ADAMTS16: variants seen among roughly 807,000 people sequenced by gnomAD.
ADAMTS16 encodes ADAM metallopeptidase with thrombospondin type 1 motif 16.
In ADAMTS16, 94 loss-of-function variants were observed where a neutral mutation model predicts 145.8. The observed-to-expected ratio is 0.64, with a 90% CI of 0.55 to 0.77. ADAMTS16 has a LOEUF of 0.77. ADAMTS16 is among the 30% of genes least tolerant of loss of function. The pLI is 0.00. For synonymous variants in ADAMTS16, 659 were observed against 604.3 expected, an observed-to-expected ratio of 1.09 and a Z score of -1.33; for missense variants, 1,585 against 1,591.5, an observed-to-expected ratio of 1.00 and a Z score of 0.07.
At chr5:5,214,388 G>A (rs528916496) in intron 10 of ADAMTS16, among the ~76,000 whole-genome samples, 44 of 152,046 alleles carry the variant, frequency 2.9e-4, no homozygotes, top group Non-Finnish European at 5.9e-4. Flanking sequence ...CAAACTTTAT[G>A]TATTTTCTTT....
chr5:5,272,709 G>T (rs1015001315), intron 18 of ADAMTS16, among the ~76,000 whole-genome samples: 1 of 152,256 alleles, frequency 6.6e-6, no homozygotes, highest in African/African-American at 2.4e-5. Context: ...GTTTTGCACT[G>T]GGGCCCACGA....
chr5:5,158,205 C>A (rs903142141), intron 3 of ADAMTS16, among the ~76,000 whole-genome samples: 1 of 152,168 alleles, frequency 6.6e-6, no homozygotes, highest in Non-Finnish European at 1.5e-5. Flanking sequence ...TTAGCATTTA[C>A]CCCTCCCTCT....
At chr5:5,250,876 G>A (rs1355379321) in intron 17 of ADAMTS16, among the ~76,000 whole-genome samples, 1 of 152,148 alleles carries the variant, frequency 6.6e-6, no homozygotes, top group Non-Finnish European at 1.5e-5. Context: ...CTGCCTGGTA[G>A]TCCCTGACTC....
chr5:5,275,396 A>G (rs1579368946), intron 18 of ADAMTS16, among the ~76,000 whole-genome samples: 2 of 152,206 alleles, frequency 1.3e-5, no homozygotes, highest in South Asian at 4.1e-4. Context: ...TCCCGTGAGA[A>G]TCAAGGAATG....
intron 3 of ADAMTS16, among the ~76,000 whole-genome samples, chr5:5,147,387 C>T (rs1343170320): frequency 6.6e-6 from 1 of 152,106 alleles, no homozygotes; most frequent in African/African-American, 2.4e-5. Context: ...ATTTCATTCC[C>T]TCTTTGAGGA....
At chr5:5,309,176 A>G (rs535489983) in intron 21 of ADAMTS16, among the ~76,000 whole-genome samples, 23 of 152,350 alleles carry the variant, frequency 1.5e-4, no homozygotes, top group Middle Eastern at 6.8e-3. Context: ...AGTTCCTGAT[A>G]GAAGATGGCA....
chr5:5,292,874 C>T (rs1230077506), intron 18 of ADAMTS16, among the ~76,000 whole-genome samples: 1 of 152,188 alleles, frequency 6.6e-6, no homozygotes, highest in African/African-American at 2.4e-5. Flanking sequence ...GGCCCTTGAT[C>T]GGGTATGGCA....
chr5:5,152,992 C>T (rs533164092), intron 3 of ADAMTS16, among the ~76,000 whole-genome samples: 27 of 152,328 alleles, frequency 1.8e-4, no homozygotes, highest in African/African-American at 5.5e-4. Context: ...TACAGATGAT[C>T]CCAAAGCTAA....
intron 18 of ADAMTS16, among the ~76,000 whole-genome samples, chr5:5,300,825 C>T (rs1739737535): frequency 6.6e-6 from 1 of 152,144 alleles, no homozygotes; most frequent in Non-Finnish European, 1.5e-5. Context: ...TGAGGAAAGG[C>T]ACTCATCATT....
chr5:5,180,938 AT>A (rs1433441955), intron 3 of ADAMTS16, among the ~76,000 whole-genome samples: 4 of 152,238 alleles, frequency 2.6e-5, no homozygotes, highest in East Asian at 1.9e-4. Flanking sequence ...ACTTAAAAAA[AT>A]GTTTAATTAT....
intron 10 of ADAMTS16, among the ~76,000 whole-genome samples, chr5:5,218,707 C>T (rs1340284012): frequency 6.6e-6 from 1 of 152,174 alleles, no homozygotes. Flanking sequence ...GTGGAGGTGG[C>T]TCTCAGCAAG....
chr5:5,207,729 T>A (rs1283876015), intron 9 of ADAMTS16, among the ~76,000 whole-genome samples: 1 of 151,566 alleles, frequency 6.6e-6, no homozygotes, highest in African/African-American at 2.4e-5. Flanking sequence ...TTTTTTATCA[T>A]GAATGAGTGT....
intron 3 of ADAMTS16, among the ~76,000 whole-genome samples, chr5:5,156,838 T>A (rs1305068066): frequency 6.6e-6 from 1 of 152,218 alleles, no homozygotes; most frequent in Non-Finnish European, 1.5e-5. Flanking sequence ...GGCCAGACTC[T>A]GTATCAAAGG....
At chr5:5,278,468 CCTT>C (rs1302067731) in intron 18 of ADAMTS16, among the ~76,000 whole-genome samples, 13 of 152,286 alleles carry the variant, frequency 8.5e-5, no homozygotes, top group Middle Eastern at 3.4e-3. Context: ...TGTCATCACT[CCTT>C]ATTATTGTTG....
rs370658225 is a variant in ADAMTS16, at chr5:5,182,139, G to A, written c.597G>A (p.Ser199=). The part of the protein sequence containing the change: ...WKLGRAAQGS[S]PSHVLYKRST... Reference sequence around the variant, plus strand: ...TCGGCAGAGCTGCCCAAGGCAGCTCGCCATCCCACGTACTGTACAAGAGAT... The same window carrying A: ...TCGGCAGAGCTGCCCAAGGCAGCTCACCATCCCACGTACTGTACAAGAGAT... Residue 199 remains serine, a synonymous_variant, in exon 4 of 23, where the codon TCG becomes TCA. Coordinates refer to ENST00000274181, the MANE Select transcript of ADAMTS16 (RefSeq NM_139056.4). 9.7e-5 allele frequency: 157 copies of A among 1,613,938 alleles called. No individual in the cohort carries two copies. In the African/African-American group the frequency reaches 1.2e-3, roughly 12 times the overall value.
chr5:5,228,665 A>G (rs1052851443), intron 11 of ADAMTS16, among the ~76,000 whole-genome samples: 5 of 152,302 alleles, frequency 3.3e-5, no homozygotes, highest in Middle Eastern at 3.4e-3. Context: ...CCAGGCCTAT[A>G]ACAAGTGTAA....
intron 11 of ADAMTS16, among the ~76,000 whole-genome samples, chr5:5,229,283 C>A (rs1381803821): frequency 8.3e-6 from 1 of 120,730 alleles, no homozygotes; most frequent in South Asian, 2.5e-4. Flanking sequence ...CCGGCCTGGG[C>A]GACAGAGCGA....
chr5:5,176,602 A>G (rs576839667), intron 3 of ADAMTS16, among the ~76,000 whole-genome samples: 28 of 152,334 alleles, frequency 1.8e-4, no homozygotes, highest in African/African-American at 6.5e-4. Flanking sequence ...TGAGATTTTA[A>G]CGTACAAAAA....
chr5:5,185,623 G>T (rs1171568992), intron 4 of ADAMTS16, among the ~76,000 whole-genome samples: 1 of 152,178 alleles, frequency 6.6e-6, no homozygotes, highest in Non-Finnish European at 1.5e-5. Flanking sequence ...TTGTCAAGTC[G>T]TTAAAAGTCT....
Sources: allele counts gnomAD v4.1 joint callset (sites outside exome capture counted in the v4.1 genomes callset), GRCh38; gene constraint gnomAD v4.1.1; transcripts MANE v1.5; gene names NCBI Gene and HGNC (gene_info 2026-07-23, HGNC 2026-07-21).